CNOT3: variants seen among roughly 807,000 people sequenced by gnomAD.
The protein encoded by CNOT3 is CCR4-associated factor 3.
CNOT3 carries 2 observed loss-of-function variants against 89.4 expected under a neutral mutation model. The observed-to-expected ratio is 0.02, with a 90% CI of 0.01 to 0.07. CNOT3 has a LOEUF of 0.07. CNOT3 is among the 10% of genes least tolerant of loss of function. The probability of loss-of-function intolerance (pLI) is 1.00; values close to 1 mark genes in which losing one functional copy is unlikely to be tolerated. For missense variants in CNOT3, 664 were observed against 1,010.2 expected (o/e 0.66, Z 4.65); for synonymous variants, 486 against 402.0 (o/e 1.21, Z -2.50).
At chr19:54,152,816 C>T (rs764687180) in intron 15 of CNOT3, 51 bp from the exon 16 acceptor site, 1 of 920,894 alleles carries the variant, frequency 1.1e-6, no homozygotes. Context: ...CCCTTTTGAT[C>T]ACGACAGGAC....
chr19:54,144,286 T>C lies in CNOT3; in HGVS notation c.437T>C (p.Val146Ala), dbSNP rs1357253181. Residue 146 changes from valine to alanine, a missense_variant, in exon 7 of 18, where the codon GTG (valine) becomes GCG (alanine). Physicochemically the swap from Val to Ala is moderately conservative, Grantham distance 64. This residue lies in a region of CNOT3 where 37 missense variants were observed against 79.5 expected (regional missense o/e 0.47). Transcript: ENST00000221232. This position sits in a 1 kb window ranked among gnomAD's most constrained non-coding sequence, Gnocchi z 4.8. Reference sequence around the variant, plus strand: ...CAGGTGGACCAGTTTGAGAGTGAAGTGGAGTCACTGTCAGTGCAGACACGC... The same window carrying C: ...CAGGTGGACCAGTTTGAGAGTGAAGCGGAGTCACTGTCAGTGCAGACACGC... ...NMQVDQFESE[V>A]ESLSVQTRKK... 2 of 1,613,676 alleles carry C rather than the reference T, an allele frequency of 1.2e-6. No individual in the cohort carries two copies. Among genetic ancestry groups the C allele is most frequent in the Non-Finnish European group, 1.7e-6 (2 of 1,179,896 alleles).
chr19:54,143,879 A>C, intron 5 of CNOT3, 127 bp from the exon 6 acceptor site: 2 of 1,471,128 alleles, frequency 1.4e-6, no homozygotes, highest in Admixed American at 2.1e-5. Context: ...ACCTAAGGGA[A>C]GTGAAGAGGC....
chr19:54,144,026 T>C lies in CNOT3; in HGVS notation c.279T>C (p.Val93=). ...LIETQMERFK[V]VERETKTKAY... The stretch of plus-strand genomic sequence containing the variant: ...TACAGCAAATGGAACGGTTCAAAGT[T>C]GTGGAACGAGAGACCAAAACCAAAG... Residue 93 remains valine (V), a synonymous_variant, in exon 6 of 18, where the codon GTT becomes GTC. Transcript: ENST00000221232. The surrounding 1 kb of genome is among the most constrained non-coding windows in gnomAD (Gnocchi z 4.8). 6.3e-7 allele frequency: 1 copy of C among 1,596,656 alleles called. No homozygotes were observed. The highest frequency in any genetic ancestry group is 8.5e-7 in the Non-Finnish European group (1 of 1,175,452).
chr19:54,151,351 C>A (rs990972087), intron 13 of CNOT3, among the ~76,000 whole-genome samples: 21 of 151,926 alleles, frequency 1.4e-4, no homozygotes, highest in African/African-American at 4.6e-4. Context: ...GAGGACAGGC[C>A]TGGGCTGTGT....
chr19:54,141,801 CT>C (rs1376351396), intron 1 of CNOT3: 2 of 152,154 alleles, frequency 1.3e-5, no homozygotes, highest in Non-Finnish European at 2.9e-5. Context: ...GGGAACTGTG[CT>C]TTTCATTGTA....
At chr19:54,155,048 G>A in intron 17 of CNOT3, 1 of 542,910 alleles carries the variant, frequency 1.8e-6, no homozygotes, top group Non-Finnish European at 3.3e-6. Flanking sequence ...ACTCACACCT[G>A]GGGCTGGGGC....
chr19:54,150,635 C>CT (rs1255781699), intron 13 of CNOT3, among the ~76,000 whole-genome samples: 5 of 143,914 alleles, frequency 3.5e-5, no homozygotes, highest in African/African-American at 1.3e-4. Flanking sequence ...CGCGCCCAGG[C>CT]TGTCCAGGTC....
At chr19:54,149,076 C>T (rs1307706273) in intron 12 of CNOT3, among the ~76,000 whole-genome samples, 1 of 152,226 alleles carries the variant, frequency 6.6e-6, no homozygotes. Flanking sequence ...TTTCACTTTT[C>T]AAAGTGAATT....
intron 1 of CNOT3, among the ~76,000 whole-genome samples, chr19:54,139,394 A>G (rs2074357632): frequency 6.6e-6 from 1 of 152,062 alleles, no homozygotes; most frequent in Admixed American, 6.5e-5. Context: ...GTTGGAGAAC[A>G]AGGGTTTCGC....
At chr19:54,149,055 G>C (rs1054396751) in intron 12 of CNOT3, among the ~76,000 whole-genome samples, 10 of 152,300 alleles carry the variant, frequency 6.6e-5, no homozygotes, top group Admixed American at 6.5e-4. Context: ...ACTGCCACCG[G>C]AGGGTCACTG....
chr19:54,145,961 A>C lies in CNOT3; in HGVS notation c.755A>C (p.Glu252Ala), dbSNP rs754508390. The change falls in exon 9 of 18, where the codon GAG (glutamate) becomes GCG (alanine). Residue 252 changes from glutamate to alanine, a missense_variant. This residue lies in a region of CNOT3 where 545 missense variants were observed against 566.2 expected (regional missense o/e 0.96). Coordinates refer to ENST00000221232, the MANE Select transcript of CNOT3 (RefSeq NM_014516.4). This position sits in a 1 kb window ranked among gnomAD's most constrained non-coding sequence, Gnocchi z 5.9. Reference sequence around the variant, plus strand: ...CCCAGCCACAGCCACATGGAGGATGAGATCTTCAACCAGTCCAGCAGCACG... The same window carrying C: ...CCCAGCCACAGCCACATGGAGGATGCGATCTTCAACCAGTCCAGCAGCACG... ...SPPSHSHMEDEIFNQSSSTPT... is the reference protein window; with the variant it reads ...SPPSHSHMEDAIFNQSSSTPT... 4.3e-6 allele frequency: 7 copies of C among 1,613,814 alleles called. No homozygotes were observed. Among genetic ancestry groups the C allele is most frequent in the Non-Finnish European group, 5.9e-6 (7 of 1,179,956 alleles).
chr19:54,142,609 G>C, intron 1 of CNOT3: 2 of 430,604 alleles, frequency 4.6e-6, no homozygotes, highest in South Asian at 2.4e-5. Flanking sequence ...TGACTGTCCT[G>C]CTCTGAAAAA....
At chr19:54,143,872 TA>T in intron 5 of CNOT3, 123 bp downstream of exon 5, 1 of 1,470,280 alleles carries the variant, frequency 6.8e-7, no homozygotes, top group Non-Finnish European at 9.3e-7. Flanking sequence ...TTTCTGCACC[TA>T]AGGGAAGTGA....
rs1469365569 is a variant in CNOT3 at position 54,143,734 on chromosome 19, C to G, written c.243C>G (p.Arg81=). 1 of 1,613,728 alleles carries G rather than the reference C, an allele frequency of 6.2e-7. No individual in the cohort carries two copies. The highest frequency in any genetic ancestry group is 1.7e-5 in the Admixed American group (1 of 59,984). The change falls in exon 5 of 18, where the codon CGC becomes CGG. Residue 81 remains arginine, a synonymous_variant. Transcript: ENST00000221232. ...IKDKRQLIDN[R]KLIETQMERF... is the part of the protein sequence containing the mutation. The stretch of plus-strand genomic sequence containing the variant: ...ACAAGAGGCAGCTTATAGACAACCG[C>G]AAGCTCATTGAGACGGTAGGAGCCC...
intron 13 of CNOT3, 67 bp from the exon 14 acceptor site, chr19:54,152,159 C>T: frequency 5.8e-6 from 9 of 1,555,938 alleles, no homozygotes; most frequent in East Asian, 2.3e-5. Flanking sequence ...GCATCTGGGG[C>T]CTGTGTCAGG....
rs2075357794 is a variant in CNOT3, at chr19:54,155,510, G to T, written c.*103G>T. On this transcript the variant is annotated 3_prime_UTR_variant, in exon 18 of 18. Transcript: ENST00000221232. ...ACTGGAGGGAGGCCCCAAGCCACGG[G>T]GCATCCCCCTCTCCCAGGAAGCAGG... 2.1e-6 allele frequency: 2 copies of T among 936,090 alleles called. No homozygotes were observed. Among genetic ancestry groups the T allele is most frequent in the African/African-American group, 3.3e-5 (2 of 60,404 alleles). 58.0% of individuals were successfully genotyped at this position (936,090 alleles called of 1,614,324 possible). A position where few individuals can be genotyped will look rare whatever the true frequency, so the allele number is the denominator to read the frequency against.
chr19:54,139,442 A>G (rs988734625), intron 1 of CNOT3, among the ~76,000 whole-genome samples: 2 of 152,058 alleles, frequency 1.3e-5, no homozygotes, highest in South Asian at 2.1e-4. Flanking sequence ...GAGAGTAGGA[A>G]GCTTCCTAGA....
At chr19:54,142,876 G>GT (rs1469032826) in intron 1 of CNOT3, 53 bp from the exon 2 acceptor site, 17 of 1,236,122 alleles carry the variant, frequency 1.4e-5, no homozygotes, top group Non-Finnish European at 1.8e-5. Flanking sequence ...ATGTCTCTGG[G>GT]TTTTTACCAG....
intron 5 of CNOT3, 104 bp from the exon 6 acceptor site, chr19:54,143,902 G>A (rs1443581953): frequency 1.2e-5 from 18 of 1,524,552 alleles, no homozygotes; most frequent in Admixed American, 1.1e-4. Flanking sequence ...CGGACTCAGA[G>A]CTCAGAAAGT....
Sources: gnomAD v4.1 joint callset for allele counts (sites outside exome capture counted in the v4.1 genomes callset) on GRCh38, gnomAD v4.1.1 for gene constraint, gnomAD v4.1.1 regional missense constraint, Gnocchi (gnomAD v3.1) non-coding constraint, MANE v1.5 for transcripts, NCBI Gene and HGNC (gene_info 2026-07-23, HGNC 2026-07-21) for gene names.